The following PTPN2 variants were observed in gnomAD, a reference collection of about 807,000 sequenced individuals.
PTPN2 encodes protein tyrosine phosphatase non-receptor type 2, also known as tyrosine-protein phosphatase non-receptor type 2.
In PTPN2, 19 loss-of-function variants were observed where a neutral mutation model predicts 57.3. The observed-to-expected ratio is 0.33, with a 90% CI of 0.23 to 0.49. The LOEUF is 0.49. Ranked by LOEUF, PTPN2 falls within the 20% of genes least tolerant of loss-of-function variation. PTPN2 has a pLI of 0.99. For synonymous variants in PTPN2, 153 were observed against 164.9 expected, an observed-to-expected ratio of 0.93 and a Z score of 0.55; for missense variants, 358 against 501.1, an observed-to-expected ratio of 0.71 and a Z score of 2.73.
chr18:12,827,364 T>A (rs1259731142), intron 4 of PTPN2, among the ~76,000 whole-genome samples: 2,863 of 146,716 alleles, frequency 0.02, 113 homozygotes, highest in African/African-American at 0.069. Flanking sequence ...AAAATAATAA[T>A]AATAATAATG....
At chr18:12,837,336 C>T (rs2042902239) in intron 2 of PTPN2, among the ~76,000 whole-genome samples, 1 of 151,980 alleles carries the variant, frequency 6.6e-6, no homozygotes, top group Admixed American at 6.6e-5. Context: ...GATAAGAATT[C>T]CACTATATTT....
Position 12,876,078 on chromosome 18 carries a change from G to A in PTPN2, c.69+7995C>T, listed in dbSNP as rs547216212. ...AAAAATTAGCCAAGCATGGTGGCGT[G>A]CATCTGTGCAGTGAGCCGTGATCTC... On this transcript the variant is annotated intron_variant, in intron 1 of 8. Transcript: ENST00000309660. Among the ~76,000 whole-genome samples the A allele has an allele frequency of 2.0e-4, 31 of 152,186 alleles. 1 individual carries two copies. The South Asian group carries it at 5.6e-3, about 27-fold the overall frequency.
At position 12,803,413 on chromosome 18, in the gene PTPN2, T is replaced by C. The variant is rs1211129059; in HGVS notation, c.859-1262A>G. 5.3e-5 allele frequency among the ~76,000 whole-genome samples: 8 copies of C among 151,992 alleles called. No individual in the cohort carries two copies. In the East Asian group the frequency reaches 1.3e-3, roughly 26 times the overall value. On this transcript the variant is annotated intron_variant, in intron 7 of 8. Coordinates refer to ENST00000309660, the MANE Select transcript of PTPN2 (RefSeq NM_002828.4). ...TATCAATAATACCCTTGAATGTAAA[T>C]AGATTAAATACTTCAATGAAAAGAT...
intron 1 of PTPN2, among the ~76,000 whole-genome samples, chr18:12,871,305 A>G (rs1488255663): frequency 1.3e-5 from 2 of 152,042 alleles, no homozygotes; most frequent in African/African-American, 4.8e-5. Flanking sequence ...CACCAATAAT[A>G]TAAGAAAGTG....
At chr18:12,855,751 C>A (rs1466590146) in intron 2 of PTPN2, among the ~76,000 whole-genome samples, 1 of 152,054 alleles carries the variant, frequency 6.6e-6, no homozygotes, top group Non-Finnish European at 1.5e-5. Flanking sequence ...GCCCAAAGTG[C>A]AGAGAGGATG....
intron 8 of PTPN2, among the ~76,000 whole-genome samples, chr18:12,800,673 G>A (rs1371557444): frequency 5.3e-5 from 8 of 152,088 alleles, no homozygotes; most frequent in Admixed American, 5.2e-4. Context: ...AAGCTATAAT[G>A]TATGGCAGAC....
intron 1 of PTPN2, among the ~76,000 whole-genome samples, chr18:12,881,620 T>C (rs1228236789): frequency 6.6e-6 from 1 of 152,196 alleles, no homozygotes; most frequent in Non-Finnish European, 1.5e-5. Context: ...AGTGCCTTTG[T>C]GCACTCCCTC....
intron 1 of PTPN2, 112 bp downstream of exon 1, chr18:12,883,961 C>T: frequency 1.0e-6 from 1 of 958,420 alleles, no homozygotes; most frequent in East Asian, 3.1e-5. Flanking sequence ...ACTTCCGCCC[C>T]GAGCGAGAGG....
chr18:12,831,709 T>C (rs969930595), intron 3 of PTPN2, among the ~76,000 whole-genome samples: 3 of 152,218 alleles, frequency 2.0e-5, no homozygotes, highest in Admixed American at 6.5e-5. Flanking sequence ...TTAAAGTACC[T>C]GAACCACAAT....
chr18:12,809,278 G>A (rs1029560029), intron 7 of PTPN2, among the ~76,000 whole-genome samples: 3 of 152,160 alleles, frequency 2.0e-5, no homozygotes, highest in African/African-American at 4.8e-5. Flanking sequence ...CATGTGAAGC[G>A]CCCAGCATCA....
chr18:12,824,909 G>A (rs1202824762), intron 5 of PTPN2, among the ~76,000 whole-genome samples: 1 of 152,000 alleles, frequency 6.6e-6, no homozygotes, highest in Non-Finnish European at 1.5e-5. Flanking sequence ...AACAAGGCAA[G>A]ACCCCATCTC....
At chr18:12,831,413 A>G (rs2042664642) in intron 3 of PTPN2, among the ~76,000 whole-genome samples, 1 of 152,194 alleles carries the variant, frequency 6.6e-6, no homozygotes, top group Non-Finnish European at 1.5e-5. Context: ...CGTCACTACT[A>G]TCTCCTTGCT....
chr18:12,855,012 G>C (rs1336854291), intron 2 of PTPN2, among the ~76,000 whole-genome samples: 1 of 152,140 alleles, frequency 6.6e-6, no homozygotes, highest in East Asian at 1.9e-4. Flanking sequence ...TTAGCCAGGC[G>C]TCATGGCTCG....
In PTPN2 at chr18:12,836,911, AACC is replaced by A; in HGVS notation, c.161-23_161-21del. ...GATCATCTGAAAATAGAGAATGATA[AACC>A]ACAACTGTCATTTCAAAATTACTGT... is the stretch of plus-strand genomic sequence containing the variant. On this transcript the variant is annotated intron_variant, in intron 2 of 8. Transcript: ENST00000309660. 1 of 1,418,192 alleles carries A rather than the reference AACC, an allele frequency of 7.1e-7. No homozygotes were observed. Among genetic ancestry groups the A allele is most frequent in the Non-Finnish European group, 9.9e-7 (1 of 1,006,708 alleles). The allele number at this position is 1,418,192 out of a possible 1,614,324, so 87.9% of individuals were successfully genotyped here.
In PTPN2 at chr18:12,807,584, A is replaced by ATATATAT. The variant is rs1555660747; in HGVS notation, c.859-5434_859-5433insATATATA. 2.7e-3 allele frequency among the ~76,000 whole-genome samples: 148 copies of ATATATAT among 54,952 alleles called. 1 individual carries two copies. Among genetic ancestry groups the ATATATAT allele is most frequent in the African/African-American group, 6.4e-3 (130 of 20,446 alleles). 36.1% of individuals were successfully genotyped at this position (54,952 alleles called of 152,430 possible). On this transcript the variant is annotated intron_variant, in intron 7 of 8. Coordinates refer to ENST00000309660, the MANE Select transcript of PTPN2 (RefSeq NM_002828.4). Reference sequence around the variant, plus strand: ...GAAAATGTGGAAAAAAAAAAAAAAAAAAATATATATATATATATATAATAT... The same window carrying ATATATAT: ...GAAAATGTGGAAAAAAAAAAAAAAAATATATATAAATATATATATATATATATAATAT...
intron 5 of PTPN2, among the ~76,000 whole-genome samples, chr18:12,822,754 A>T (rs1463145388): frequency 6.6e-6 from 1 of 151,980 alleles, no homozygotes; most frequent in Admixed American, 6.6e-5. Context: ...TCTCACTCCC[A>T]TTGGTTCTTT....
intron 5 of PTPN2, among the ~76,000 whole-genome samples, chr18:12,820,791 C>T (rs2042246319): frequency 6.6e-6 from 1 of 152,232 alleles, no homozygotes; most frequent in Admixed American, 6.5e-5. Flanking sequence ...GTGTAAAACT[C>T]TGCATTATGT....
At chr18:12,873,856 C>T (rs1353226578) in intron 1 of PTPN2, among the ~76,000 whole-genome samples, 3 of 151,842 alleles carry the variant, frequency 2.0e-5, no homozygotes, top group Admixed American at 6.6e-5. Context: ...CGTCTCTGCC[C>T]GGCTGCCCAT....
At chr18:12,853,194 A>G (rs1305109514) in intron 2 of PTPN2, among the ~76,000 whole-genome samples, 2 of 152,146 alleles carry the variant, frequency 1.3e-5, no homozygotes, top group African/African-American at 4.8e-5. Context: ...CTGTCACCCA[A>G]GCTGGAGTGC....
Sources: gnomAD v4.1 joint callset for allele counts (sites outside exome capture counted in the v4.1 genomes callset) on GRCh38, gnomAD v4.1.1 for gene constraint, MANE v1.5 for transcripts, NCBI Gene and HGNC (gene_info 2026-07-23, HGNC 2026-07-21) for gene names.